Variants in ADK observed in about 807,000 individuals in gnomAD.
ADK encodes N6,N6-dimethyladenosine kinase.
In ADK, 24 loss-of-function variants were observed where a neutral mutation model predicts 44.7. That is an observed-to-expected ratio of 0.54 (90% CI 0.39 to 0.76). The LOEUF (loss-of-function observed/expected upper bound fraction) is 0.76, where lower values mean the gene tolerates loss of function less well. Ranked by LOEUF, ADK falls within the 30% of genes least tolerant of loss-of-function variation. The probability of loss-of-function intolerance (pLI) is 0.00; values close to 1 mark genes in which losing one functional copy is unlikely to be tolerated. For missense variants in ADK, 321 were observed against 425.1 expected, an observed-to-expected ratio of 0.76 and a Z score of 2.15; for synonymous variants, 128 against 142.6, an observed-to-expected ratio of 0.90 and a Z score of 0.73.
At chr10:74,571,397 A>G (rs1337466444) in intron 7 of ADK, among the ~76,000 whole-genome samples, 12 of 151,858 alleles carry the variant, frequency 7.9e-5, no homozygotes, top group Middle Eastern at 3.2e-3. Context: ...GGTAGAATTC[A>G]GCTGTGAATC....
chr10:74,342,785 G>T (rs1227766327), intron 4 of ADK, among the ~76,000 whole-genome samples: 1 of 151,298 alleles, frequency 6.6e-6, no homozygotes, highest in African/African-American at 2.4e-5. Flanking sequence ...CAGTTTGTGT[G>T]TGTGTGTGTG....
At chr10:74,393,104 T>TA (rs1345495115) in intron 4 of ADK, among the ~76,000 whole-genome samples, 1 of 152,152 alleles carries the variant, frequency 6.6e-6, no homozygotes, top group Non-Finnish European at 1.5e-5. Flanking sequence ...GTCTCATTCT[T>TA]ACAGTTCTGT....
intron 4 of ADK, among the ~76,000 whole-genome samples, chr10:74,325,817 T>C (rs2131833727): frequency 6.6e-6 from 1 of 152,280 alleles, no homozygotes; most frequent in South Asian, 2.1e-4. Flanking sequence ...ATGGGATGAA[T>C]CCACTTGATC....
In ADK at chr10:74,391,673, A is replaced by ACG. The variant is rs377163484; in HGVS notation, c.274-2467_274-2466insGC. Among the ~76,000 whole-genome samples, 191 of 151,576 alleles carry ACG rather than the reference A, an allele frequency of 1.3e-3. 1 individual carries two copies. In the East Asian group the frequency reaches 0.02, roughly 16 times the overall value. On this transcript the variant is annotated intron_variant, in intron 4 of 10. Transcript: ENST00000539909. ...AATATACACACACACACACACACAC[A>ACG]CACACACACACACACACACACACAT...
intron 4 of ADK, among the ~76,000 whole-genome samples, chr10:74,339,779 G>A (rs1360483143): frequency 2.6e-5 from 4 of 152,174 alleles, no homozygotes; most frequent in Admixed American, 2.6e-4. Flanking sequence ...ACAGAGATAT[G>A]TTTGTAACTG....
At chr10:74,159,310 T>C (rs1017230896) in intron 1 of ADK, among the ~76,000 whole-genome samples, 1 of 152,256 alleles carries the variant, frequency 6.6e-6, no homozygotes, top group Non-Finnish European at 1.5e-5. Context: ...CACAACAGTT[T>C]GGTTACTGTA....
chr10:74,277,822 TATCTATGC>T lies in ADK; in HGVS notation c.195-36844_195-36837del, dbSNP rs1368203898. ...TGGTCAGAGAATAAGTTCCATGTGATATCTATGCTTAGAAATTTTTTAGATTTATATTT... is the reference window on the plus strand; with the variant it reads ...TGGTCAGAGAATAAGTTCCATGTGATTTAGAAATTTTTTAGATTTATATTT... On this transcript the variant is annotated intron_variant, in intron 3 of 10. Transcript: ENST00000539909. Among the ~76,000 whole-genome samples, 264 of 152,344 alleles carry T rather than the reference TATCTATGC, an allele frequency of 1.7e-3. 1 individual carries two copies. The highest frequency in any genetic ancestry group is 5.4e-3 in the African/African-American group (223 of 41,572).
intron 7 of ADK, among the ~76,000 whole-genome samples, chr10:74,549,679 C>G (rs938202744): frequency 6.6e-6 from 1 of 152,102 alleles, no homozygotes; most frequent in Admixed American, 6.5e-5. Flanking sequence ...TCAAGTGATC[C>G]GCCTACCTCG....
chr10:74,431,379 C>G lies in ADK; in HGVS notation c.555+32800C>G, dbSNP rs542933968. Among the ~76,000 whole-genome samples, 9 of 152,256 alleles carry G rather than the reference C, an allele frequency of 5.9e-5. No homozygotes were observed. The South Asian group carries it at 1.9e-3, about 32-fold the overall frequency. The stretch of plus-strand genomic sequence containing the variant: ...TAATCCGCATATCTGTTTCTTTAGG[C>G]AAACTTGCATTGGAATGTAATGGCG... On this transcript the variant is annotated intron_variant, in intron 6 of 10. Transcript: ENST00000539909.
chr10:74,296,283 C>A (rs1592002540), intron 3 of ADK, among the ~76,000 whole-genome samples: 2 of 152,000 alleles, frequency 1.3e-5, no homozygotes, highest in South Asian at 2.1e-4. Context: ...CCAAGGCCTA[C>A]TTCTTTAATA....
intron 3 of ADK, among the ~76,000 whole-genome samples, chr10:74,276,796 G>GT (rs1227725128): frequency 6.6e-6 from 1 of 152,148 alleles, no homozygotes; most frequent in African/African-American, 2.4e-5. Flanking sequence ...AGTGGTATGT[G>GT]TAGTTATATG....
intron 6 of ADK, among the ~76,000 whole-genome samples, chr10:74,411,970 T>G (rs1483396187): frequency 6.6e-6 from 1 of 152,208 alleles, no homozygotes; most frequent in Non-Finnish European, 1.5e-5. Flanking sequence ...AGAAGCAATT[T>G]CTCATCCATT....
At chr10:74,511,946 T>A (rs890344470) in intron 6 of ADK, among the ~76,000 whole-genome samples, 6 of 152,142 alleles carry the variant, frequency 3.9e-5, no homozygotes, top group African/African-American at 1.4e-4. Flanking sequence ...TTGAGGTAAT[T>A]TCAACATGTT....
chr10:74,157,388 A>G, intron 1 of ADK, among the ~76,000 whole-genome samples: 1 of 148,282 alleles, frequency 6.7e-6, no homozygotes, highest in Non-Finnish European at 1.5e-5. Context: ...TAAAAAAGAT[A>G]AAAGAAATAA....
At chr10:74,430,601 TA>T (rs1427349374) in intron 6 of ADK, among the ~76,000 whole-genome samples, 5 of 152,056 alleles carry the variant, frequency 3.3e-5, no homozygotes, top group African/African-American at 1.2e-4. Context: ...TTTATAAAAA[TA>T]AAAAATTATT....
chr10:74,565,339 TAATGAG>T (rs1312201109), intron 7 of ADK, among the ~76,000 whole-genome samples: 4 of 152,342 alleles, frequency 2.6e-5, no homozygotes, highest in Admixed American at 6.5e-5. Context: ...CCTAACAACT[TAATGAG>T]AAAGTTAAAG....
intron 6 of ADK, among the ~76,000 whole-genome samples, chr10:74,485,393 T>C (rs1847228606): frequency 6.6e-6 from 1 of 151,766 alleles, no homozygotes; most frequent in Admixed American, 6.6e-5. Flanking sequence ...GCCCAGGATG[T>C]CAAGGTTGCA....
At chr10:74,165,744 A>G (rs1470250422) in intron 1 of ADK, among the ~76,000 whole-genome samples, 2 of 152,170 alleles carry the variant, frequency 1.3e-5, no homozygotes, top group Non-Finnish European at 2.9e-5. Context: ...TGTGCTAGAT[A>G]AGCACCCTGT....
chr10:74,582,235 T>TG (rs1361139673), intron 7 of ADK, among the ~76,000 whole-genome samples: 2 of 151,946 alleles, frequency 1.3e-5, no homozygotes, highest in Non-Finnish European at 2.9e-5. Context: ...GAGGTGAGCC[T>TG]GGGAGGTTGA....
Sources: gnomAD v4.1 joint callset for allele counts (sites outside exome capture counted in the v4.1 genomes callset) on GRCh38, gnomAD v4.1.1 for gene constraint, MANE v1.5 for transcripts, NCBI Gene and HGNC (gene_info 2026-07-23, HGNC 2026-07-21) for gene names.